The following ELOVL6 variants were observed in gnomAD, a reference collection of about 807,000 sequenced individuals.
ELOVL6 encodes the protein ELOVL fatty acid elongase 6.
Under a neutral mutation model 31.7 loss-of-function variants are expected in ELOVL6, and 8 were observed. The ratio of observed to expected loss-of-function variants is 0.25; its 90% CI spans 0.15 to 0.45. The LOEUF is 0.45. Ranked by LOEUF, ELOVL6 falls within the 20% of genes least tolerant of loss-of-function variation. The pLI is 1.00. For synonymous variants in ELOVL6, 101 were observed against 117.7 expected (o/e 0.86, Z 0.92); for missense variants, 126 against 326.4 (o/e 0.39, Z 4.73).
At chr4:110,063,657 G>T (rs1163241167) in intron 2 of ELOVL6, among the ~76,000 whole-genome samples, 2 of 151,910 alleles carry the variant, frequency 1.3e-5, no homozygotes, top group African/African-American at 4.8e-5. Flanking sequence ...TAAATCTAGA[G>T]CCTCAAAGAG....
At chr4:110,084,345 A>ATATATGATATATATCGCT (rs1756108840) in intron 2 of ELOVL6, among the ~76,000 whole-genome samples, 2 of 96,410 alleles carry the variant, frequency 2.1e-5, no homozygotes, top group South Asian at 6.9e-4. Flanking sequence ...CACATATATG[A>ATATATGATATATATCGCT]TATATGATAT....
intron 1 of ELOVL6, among the ~76,000 whole-genome samples, chr4:110,177,793 T>C (rs1335661037): frequency 6.6e-6 from 1 of 152,220 alleles, no homozygotes; most frequent in Admixed American, 6.5e-5. Flanking sequence ...TGTTTTAGGC[T>C]ACAGTTAATT....
Position 110,084,188 on chromosome 4 carries a change from T to TATATGTGATATATATGATATATATAAC in ELOVL6, c.221+21308_221+21309insGTTATATATATCATATATATCACATAT, listed in dbSNP as rs1560814428. On this transcript the variant is annotated intron_variant, in intron 2 of 3. Transcript: ENST00000302274. ...TGTGATATATATGATATATATAACA[T>TATATGTGATATATATGATATATATAAC]ATAACTTATATGATATATATAACAT... Among the ~76,000 whole-genome samples the TATATGTGATATATATGATATATATAAC allele has an allele frequency of 1.3e-4, 10 of 78,010 alleles. 1 individual carries two copies. The East Asian group carries it at 1.5e-3, about 12-fold the overall frequency. 51.2% of individuals were successfully genotyped at this position (78,010 alleles called of 152,430 possible). A position where few individuals can be genotyped will look rare whatever the true frequency, so the allele number is the denominator to read the frequency against.
intron 2 of ELOVL6, chr4:110,093,156 G>A (rs576417799): frequency 1.6e-5 from 7 of 442,252 alleles, no homozygotes; most frequent in Admixed American, 1.5e-4. Flanking sequence ...AGATATTACA[G>A]AAGTCATATT....
chr4:110,049,521 T>C lies in ELOVL6; in HGVS notation c.*1817A>G, dbSNP rs1228457154. ...CAGCACAATTAAAGCTAAAATAATATAAAAATAATTCGAAAAAATCCCTTT... is the reference window on the plus strand; with the variant it reads ...CAGCACAATTAAAGCTAAAATAATACAAAAATAATTCGAAAAAATCCCTTT... On this transcript the variant is annotated 3_prime_UTR_variant, in exon 4 of 4. Coordinates refer to ENST00000302274, the MANE Select transcript of ELOVL6 (RefSeq NM_024090.3). 6.6e-6 allele frequency: 1 copy of C among 152,460 alleles called. No individual in the cohort carries two copies. The highest frequency in any genetic ancestry group is 1.5e-5 in the Non-Finnish European group (1 of 67,996). The allele number at this position is 152,460 out of a possible 1,614,324, so 9.4% of individuals were successfully genotyped here.
chr4:110,137,534 T>A (rs1015992479), intron 1 of ELOVL6, among the ~76,000 whole-genome samples: 22 of 152,048 alleles, frequency 1.4e-4, no homozygotes, highest in African/African-American at 4.8e-4. Flanking sequence ...TTACTATAGA[T>A]CTTATTATCC....
intron 2 of ELOVL6, among the ~76,000 whole-genome samples, chr4:110,064,147 A>G (rs929260407): frequency 2.0e-5 from 3 of 152,090 alleles, no homozygotes; most frequent in Admixed American, 6.6e-5. Context: ...TGTCAAAGCC[A>G]AATGAAATCA....
In ELOVL6 at chr4:110,050,667, CT is replaced by C. The variant is rs1039075764; in HGVS notation, c.*670del. ...AGAATCTTGGGGAAGTATTCACCCC[CT>C]TTGGTTTTGGCAAACTCACTAGCCT... On this transcript the variant is annotated 3_prime_UTR_variant, in exon 4 of 4. Coordinates refer to ENST00000302274, the MANE Select transcript of ELOVL6 (RefSeq NM_024090.3). 1 of 152,890 alleles carries C rather than the reference CT, an allele frequency of 6.5e-6. No individual in the cohort carries two copies. The highest frequency in any genetic ancestry group is 2.4e-5 in the African/African-American group (1 of 41,448). 9.5% of individuals were successfully genotyped at this position (152,890 alleles called of 1,614,324 possible). A position where few individuals can be genotyped will look rare whatever the true frequency, so the allele number is the denominator to read the frequency against.
intron 1 of ELOVL6, among the ~76,000 whole-genome samples, chr4:110,128,031 G>C (rs2126256300): frequency 1.3e-5 from 2 of 149,386 alleles, no homozygotes; most frequent in East Asian, 2.0e-4. Context: ...TACACAGAGA[G>C]ATCCTGTCTC....
At chr4:110,110,813 G>A (rs373946562) in intron 1 of ELOVL6, among the ~76,000 whole-genome samples, 1 of 152,122 alleles carries the variant, frequency 6.6e-6, no homozygotes, top group African/African-American at 2.4e-5. Flanking sequence ...CTTTACAATT[G>A]CAAGACAAAG....
At chr4:110,158,622 CAT>C (rs113745166) in intron 1 of ELOVL6, among the ~76,000 whole-genome samples, 2,600 of 126,584 alleles carry the variant, frequency 0.021, 106 homozygotes, top group African/African-American at 0.077. Flanking sequence ...TATACACACA[CAT>C]ATATACACGT....
At chr4:110,064,219 A>G (rs1389587941) in intron 2 of ELOVL6, among the ~76,000 whole-genome samples, 1 of 152,046 alleles carries the variant, frequency 6.6e-6, no homozygotes, top group East Asian at 1.9e-4. Flanking sequence ...CTGCAACATC[A>G]GACACAATGC....
At position 110,090,600 on chromosome 4, in the gene ELOVL6, C is replaced by CTTTTTTTTT. The variant is rs544234717; in HGVS notation, c.221+14888_221+14896dup. On this transcript the variant is annotated intron_variant, in intron 2 of 3. Transcript: ENST00000302274. ...GGAACTTACAGGAAAGTTTGACTTT[C>CTTTTTTTTT]TTTTTTTTTTTTTTTTTTTTCATGA... 2.7e-3 allele frequency among the ~76,000 whole-genome samples: 283 copies of CTTTTTTTTT among 103,678 alleles called. 16 individuals carry two copies. The highest frequency in any genetic ancestry group is 8.7e-3 in the East Asian group (28 of 3,230). 68.0% of individuals were successfully genotyped at this position (103,678 alleles called of 152,430 possible).
intron 1 of ELOVL6, among the ~76,000 whole-genome samples, chr4:110,196,664 C>A (rs1251310159): frequency 2.0e-5 from 3 of 152,150 alleles, no homozygotes; most frequent in Admixed American, 6.5e-5. Context: ...TCCTTCCGAG[C>A]GGCCCGCGTC....
intron 1 of ELOVL6, among the ~76,000 whole-genome samples, chr4:110,195,211 G>A (rs1027452037): frequency 8.6e-5 from 13 of 152,042 alleles, no homozygotes; most frequent in Admixed American, 6.6e-5. Flanking sequence ...TGAACCTCCC[G>A]GGTTCAAGCA....
intron 1 of ELOVL6, among the ~76,000 whole-genome samples, chr4:110,168,516 A>G (rs1758846284): frequency 6.6e-6 from 1 of 151,916 alleles, no homozygotes; most frequent in South Asian, 2.1e-4. Flanking sequence ...AAGACTGTCT[A>G]AAAAAGAAAA....
chr4:110,196,486 C>A (rs1759790752), intron 1 of ELOVL6, among the ~76,000 whole-genome samples: 1 of 152,212 alleles, frequency 6.6e-6, no homozygotes, highest in African/African-American at 2.4e-5. Context: ...CAGAGAAGGA[C>A]CCCGGGCGGT....
chr4:110,079,093 G>C (rs1430202435), intron 2 of ELOVL6, among the ~76,000 whole-genome samples: 1 of 152,166 alleles, frequency 6.6e-6, no homozygotes, highest in Admixed American at 6.6e-5. Context: ...CATAAAGCAA[G>C]TCCTTAGAGA....
intron 1 of ELOVL6, among the ~76,000 whole-genome samples, chr4:110,187,570 T>C (rs1759487761): frequency 6.6e-6 from 1 of 151,332 alleles, no homozygotes; most frequent in Non-Finnish European, 1.5e-5. Flanking sequence ...GTGGCACGCA[T>C]GTGTAGTCCC....
Sources: allele counts gnomAD v4.1 joint callset (sites outside exome capture counted in the v4.1 genomes callset), GRCh38; gene constraint gnomAD v4.1.1; transcripts MANE v1.5; gene names NCBI Gene and HGNC (gene_info 2026-07-23, HGNC 2026-07-21).